The following NCKAP5 variants were observed in gnomAD, a reference collection of about 807,000 sequenced individuals.
The protein encoded by NCKAP5 is NCK associated protein 5, also known as nck-associated protein 5.
A neutral mutation model predicts 167.0 loss-of-function variants in NCKAP5; 92 were observed. The observed-to-expected ratio is 0.55, with a 90% CI of 0.47 to 0.66. The LOEUF (loss-of-function observed/expected upper bound fraction) is 0.66, where lower values mean the gene tolerates loss of function less well. Among genes scored for constraint, NCKAP5 ranks in the 30% least tolerant of loss-of-function variants. NCKAP5 has a pLI of 0.00. For synonymous variants in NCKAP5, 891 were observed against 877.4 expected, an observed-to-expected ratio of 1.02 and a Z score of -0.27; for missense variants, 2,378 against 2,315.0, an observed-to-expected ratio of 1.03 and a Z score of -0.56.
intron 3 of NCKAP5, among the ~76,000 whole-genome samples, chr2:133,367,871 A>C (rs1685552363): frequency 6.6e-6 from 1 of 152,090 alleles, no homozygotes; most frequent in South Asian, 2.1e-4. Flanking sequence ...CAAACAAAAA[A>C]ATTGGCTTTC....
intron 11 of NCKAP5, among the ~76,000 whole-genome samples, chr2:132,859,024 A>G (rs1689687062): frequency 1.3e-5 from 2 of 152,188 alleles, no homozygotes; most frequent in Non-Finnish European, 2.9e-5. Context: ...ATGAGATTGC[A>G]AAAGAAACAC....
At chr2:133,068,215 C>T (rs906444502) in intron 6 of NCKAP5, among the ~76,000 whole-genome samples, 1 of 152,116 alleles carries the variant, frequency 6.6e-6, no homozygotes, top group African/African-American at 2.4e-5. Flanking sequence ...ATACCTGAAC[C>T]TTTGTGGGCA....
chr2:133,459,699 G>A (rs1692083369), intron 3 of NCKAP5, among the ~76,000 whole-genome samples: 1 of 152,050 alleles, frequency 6.6e-6, no homozygotes, highest in Admixed American at 6.6e-5. Context: ...GGCCTATTGA[G>A]GTATACTAAT....
chr2:132,710,793 C>G (rs1293240346), intron 19 of NCKAP5, among the ~76,000 whole-genome samples: 1 of 152,098 alleles, frequency 6.6e-6, no homozygotes, highest in East Asian at 1.9e-4. Context: ...TACTGAATAA[C>G]ATTTGTAATT....
At chr2:132,729,335 A>C (rs1433498117) in intron 17 of NCKAP5, among the ~76,000 whole-genome samples, 1 of 152,262 alleles carries the variant, frequency 6.6e-6, no homozygotes, top group Non-Finnish European at 1.5e-5. Flanking sequence ...CAGAGGCTTC[A>C]GTGTGCCAAT....
intron 2 of NCKAP5, among the ~76,000 whole-genome samples, chr2:133,531,132 GA>G (rs887936345): frequency 5.9e-4 from 89 of 149,678 alleles, no homozygotes; most frequent in Middle Eastern, 3.4e-3. Flanking sequence ...AAGACTGAAA[GA>G]AAAAAAAGGA....
chr2:133,005,929 G>A (rs2077950395), intron 6 of NCKAP5, among the ~76,000 whole-genome samples: 1 of 152,108 alleles, frequency 6.6e-6, no homozygotes, highest in Non-Finnish European at 1.5e-5. Flanking sequence ...TTACCTTGGT[G>A]AAAGAAAAAT....
At chr2:132,922,256 C>T (rs900048141) in intron 8 of NCKAP5, among the ~76,000 whole-genome samples, 1 of 152,244 alleles carries the variant, frequency 6.6e-6, no homozygotes, top group South Asian at 2.1e-4. Flanking sequence ...CATGTAAAAG[C>T]TCAGAGACCA....
At chr2:133,403,954 T>A (rs1688263771) in intron 3 of NCKAP5, among the ~76,000 whole-genome samples, 1 of 151,904 alleles carries the variant, frequency 6.6e-6, no homozygotes, top group Non-Finnish European at 1.5e-5. Flanking sequence ...GCCCCTTGAC[T>A]GCCATGTGAT....
At chr2:132,787,311 G>A (rs969261031) in intron 13 of NCKAP5, among the ~76,000 whole-genome samples, 3 of 145,610 alleles carry the variant, frequency 2.1e-5, no homozygotes, top group Non-Finnish European at 4.5e-5. Context: ...TTGCACCATT[G>A]CACTCCCTCC....
rs1269904878 is a variant in NCKAP5, at chr2:132,783,640, TG to T, written c.3170del (p.Pro1057HisfsTer5). The part of the protein sequence containing the change: ...KTSPRQTLGT[P>X]QRDIGLQTPR... ...GAGTCTGTAATCCTATGTCCCTTTG[TG>T]GGGTCCCAAGTGTTTGGCGAGGAGA... On this transcript the variant is annotated frameshift_variant, in exon 14 of 20. Coordinates refer to ENST00000409261, the MANE Select transcript of NCKAP5 (RefSeq NM_207363.3). LOFTEE classifies it high-confidence loss of function. 6.2e-7 allele frequency: 1 copy of T among 1,613,798 alleles called. No homozygotes were observed. Among genetic ancestry groups the T allele is most frequent in the Non-Finnish European group, 8.5e-7 (1 of 1,179,886 alleles).
chr2:133,278,879 A>G (rs2089837770), intron 4 of NCKAP5, among the ~76,000 whole-genome samples: 1 of 152,114 alleles, frequency 6.6e-6, no homozygotes, highest in African/African-American at 2.4e-5. Context: ...TCACAAAACG[A>G]CACGCAAGTG....
At chr2:133,509,042 C>A (rs1043725627) in intron 3 of NCKAP5, among the ~76,000 whole-genome samples, 5 of 152,202 alleles carry the variant, frequency 3.3e-5, no homozygotes. Context: ...CTGAATACAG[C>A]TGAATGAAAC....
intron 8 of NCKAP5, among the ~76,000 whole-genome samples, chr2:132,935,991 T>TG (rs1003614142): frequency 1.2e-4 from 18 of 151,642 alleles, no homozygotes; most frequent in Non-Finnish European, 2.2e-4. Flanking sequence ...TTTTTTTTTT[T>TG]TTTTCCTTGA....
chr2:133,026,445 C>G (rs1267520489), intron 6 of NCKAP5, among the ~76,000 whole-genome samples: 1 of 151,484 alleles, frequency 6.6e-6, no homozygotes, highest in Non-Finnish European at 1.5e-5. Flanking sequence ...ACTTCCCTGG[C>G]CTTAAGAATA....
chr2:133,501,344 C>A (rs1478655135), intron 3 of NCKAP5, among the ~76,000 whole-genome samples: 4 of 152,194 alleles, frequency 2.6e-5, no homozygotes, highest in Non-Finnish European at 1.5e-5. Context: ...TAGACTCATA[C>A]ACCAATGATC....
chr2:132,769,400 T>C (rs10165182), intron 16 of NCKAP5, among the ~76,000 whole-genome samples: 44,686 of 152,094 alleles, frequency 0.29, 6,724 homozygotes, highest in African/African-American at 0.33. Context: ...AAAAGAACAA[T>C]ACATTTAGAT....
At chr2:133,615,667 T>A in the NCKAP5 span, among the ~76,000 whole-genome samples, 1 of 152,136 alleles carries the variant, frequency 6.6e-6, no homozygotes, top group Non-Finnish European at 1.5e-5. Flanking sequence ...CTGAGTGACC[T>A]ACAAAGAGAC....
chr2:132,810,694 T>C (rs2105262655), intron 11 of NCKAP5, among the ~76,000 whole-genome samples: 1 of 152,338 alleles, frequency 6.6e-6, no homozygotes, highest in Middle Eastern at 3.4e-3. Flanking sequence ...TTTTTGGATT[T>C]CCTTGCAGTG....
Sources: allele counts gnomAD v4.1 joint callset (sites outside exome capture counted in the v4.1 genomes callset), GRCh38; gene constraint gnomAD v4.1.1; transcripts MANE v1.5; gene names NCBI Gene and HGNC (gene_info 2026-07-23, HGNC 2026-07-21).